The following ATP11C variants were observed in gnomAD, a reference collection of about 807,000 sequenced individuals.
ATP11C encodes phospholipid-transporting ATPase IG.
A neutral mutation model predicts 97.4 loss-of-function variants in ATP11C; 36 were observed. The observed-to-expected ratio is 0.37, with a 90% CI of 0.28 to 0.49. ATP11C has a LOEUF of 0.49. Among genes scored for constraint, ATP11C ranks in the 20% least tolerant of loss-of-function variants. The pLI, the probability that ATP11C is intolerant of heterozygous loss-of-function variation, is 0.98. For missense variants in ATP11C, 730 were observed against 824.6 expected (o/e 0.89, Z 1.40); for synonymous variants, 275 against 290.9 (o/e 0.95, Z 0.56).
intron 25 of ATP11C, among the ~76,000 whole-genome samples, chrX:139,744,620 G>T (rs1457016391): frequency 5.4e-5 from 6 of 111,886 alleles, no homozygotes. Context: ...TGCACAATCA[G>T]TTATAAATCT....
intron 1 of ATP11C, among the ~76,000 whole-genome samples, chrX:139,887,100 A>G (rs776806369): frequency 5.4e-5 from 6 of 112,095 alleles, no homozygotes; most frequent in Non-Finnish European, 9.4e-5. Context: ...TAGACAAAGT[A>G]TAGTTTTTTT....
chrX:139,935,953 G>A (rs113218650), upstream of ATP11C, among the ~76,000 whole-genome samples: 292 of 109,495 alleles, frequency 2.7e-3, no homozygotes, highest in African/African-American at 8.0e-3. Flanking sequence ...CCAAGATCGC[G>A]CCAGTACACT....
chrX:139,875,842 A>G (rs2084463330), intron 1 of ATP11C, among the ~76,000 whole-genome samples: 2 of 111,801 alleles, frequency 1.8e-5, no homozygotes, highest in South Asian at 3.8e-4. Context: ...GGGAGATTAA[A>G]TGAATTGCCC....
At chrX:139,864,059 C>A (rs2084245963) in intron 1 of ATP11C, among the ~76,000 whole-genome samples, 1 of 110,749 alleles carries the variant, frequency 9.0e-6, no homozygotes, top group African/African-American at 3.3e-5. Context: ...CAGAGCAAGA[C>A]CCTGCCTCAA....
intron 19 of ATP11C, among the ~76,000 whole-genome samples, chrX:139,771,182 C>T (rs1401040545): frequency 2.7e-5 from 3 of 111,324 alleles, no homozygotes; most frequent in East Asian, 2.8e-4. Context: ...GTGCTGTTCT[C>T]GTGAGAGTGA....
At chrX:139,926,708 A>G (rs907377677) in intron 1 of ATP11C, among the ~76,000 whole-genome samples, 3 of 112,838 alleles carry the variant, frequency 2.7e-5, no homozygotes, top group African/African-American at 9.7e-5. Flanking sequence ...ATTATTAGCA[A>G]TAAGCATAAA....
intron 19 of ATP11C, among the ~76,000 whole-genome samples, chrX:139,770,771 T>G (rs2082238332): frequency 9.0e-6 from 1 of 111,415 alleles, no homozygotes. Context: ...TCTGAGACAG[T>G]GACAGTAAAT....
intron 1 of ATP11C, among the ~76,000 whole-genome samples, chrX:139,869,445 T>C (rs974352982): frequency 3.6e-5 from 4 of 110,402 alleles, no homozygotes; most frequent in African/African-American, 1.3e-4. Context: ...TAATGATAGC[T>C]GAAGTGTTTA....
intron 13 of ATP11C, among the ~76,000 whole-genome samples, chrX:139,788,620 C>CTTT (rs2082625718): frequency 2.7e-5 from 3 of 111,832 alleles, no homozygotes; most frequent in Admixed American, 9.5e-5. Flanking sequence ...TCTTCATGGC[C>CTTT]TAAAAAACTT....
chrX:139,810,727 C>T (rs2083152836), intron 5 of ATP11C, among the ~76,000 whole-genome samples: 1 of 111,560 alleles, frequency 9.0e-6, no homozygotes, highest in African/African-American at 3.3e-5. Flanking sequence ...ACCCAAGGAG[C>T]TTCTTTACCT....
At chrX:139,866,363 A>AAAAAC (rs1483816748) in intron 1 of ATP11C, among the ~76,000 whole-genome samples, 1 of 102,575 alleles carries the variant, frequency 9.7e-6, no homozygotes, top group Non-Finnish European at 1.9e-5. Context: ...AAAAAAAAAA[A>AAAAAC]AAAACAGAAA....
At chrX:139,730,685 C>T (rs1455793812) in intron 29 of ATP11C, among the ~76,000 whole-genome samples, 2 of 111,056 alleles carry the variant, frequency 1.8e-5, no homozygotes, top group Non-Finnish European at 3.8e-5. Flanking sequence ...TCATGATGAT[C>T]ATTAATTTTT....
intron 1 of ATP11C, among the ~76,000 whole-genome samples, chrX:139,886,245 C>T (rs1253981333): frequency 1.8e-5 from 2 of 109,509 alleles, no homozygotes; most frequent in South Asian, 3.9e-4. Context: ...TAAAAAAAAT[C>T]AACTGTATTT....
At chrX:139,931,803 T>G (rs987788998) in intron 1 of ATP11C, among the ~76,000 whole-genome samples, 3 of 110,363 alleles carry the variant, frequency 2.7e-5, no homozygotes, top group African/African-American at 9.9e-5. Flanking sequence ...CTGGTCGAAT[T>G]GTCCTGGGGG....
chrX:139,743,447 A>C, intron 26 of ATP11C, 112 bp downstream of exon 26: 1 of 476,030 alleles, frequency 2.1e-6, no homozygotes, highest in South Asian at 3.9e-5. Flanking sequence ...AAACACTTGA[A>C]TAACAACCCA....
At chrX:139,738,269 G>A (rs1420719434) in intron 27 of ATP11C, among the ~76,000 whole-genome samples, 200 bp from the exon 28 acceptor site, 2 of 111,750 alleles carry the variant, frequency 1.8e-5, no homozygotes, top group Non-Finnish European at 3.8e-5. Flanking sequence ...GATAATCAAA[G>A]GAGAAAAAAG....
intron 4 of ATP11C, among the ~76,000 whole-genome samples, chrX:139,815,944 A>G (rs1461398730): frequency 9.0e-6 from 1 of 111,703 alleles, no homozygotes; most frequent in Non-Finnish European, 1.9e-5. Context: ...GAATCAGTAA[A>G]AAAGCCTTTG....
intron 2 of ATP11C, among the ~76,000 whole-genome samples, chrX:139,826,392 T>C (rs1459206236): frequency 1.8e-5 from 2 of 110,554 alleles, no homozygotes; most frequent in African/African-American, 6.6e-5. Flanking sequence ...TCAAGGGTAA[T>C]TCAGGAAGCT....
At position 139,814,939 on chromosome X, in the gene ATP11C, T is replaced by C. The variant is rs2083254773; in HGVS notation, c.365A>G (p.Lys122Arg). The C allele has an allele frequency of 2.5e-6, 3 of 1,183,756 alleles. No homozygotes were observed. Among genetic ancestry groups the C allele is most frequent in the South Asian group, 1.9e-5 (1 of 52,489 alleles). Residue 122 changes from lysine (K) to arginine (R), a missense_variant, in exon 5 of 30, where the codon AAA becomes AGA. Physicochemically the swap from Lys to Arg is conservative, Grantham distance 26. Transcript: ENST00000682941. ...LRHRADNEVN[K>R]STVYIIENAK... Reference sequence around the variant, plus strand: ...ATTTTCAATAATGTAAACAGTGCTTTTGTTGACTTCATTGTCAGCTCTGTG... The same window carrying C: ...ATTTTCAATAATGTAAACAGTGCTTCTGTTGACTTCATTGTCAGCTCTGTG...
Sources: gnomAD v4.1 joint callset for allele counts (sites outside exome capture counted in the v4.1 genomes callset) on GRCh38, gnomAD v4.1.1 for gene constraint, MANE v1.5 for transcripts, NCBI Gene and HGNC (gene_info 2026-07-23, HGNC 2026-07-21) for gene names.